NRXN3: variants seen among roughly 807,000 people sequenced by gnomAD.
NRXN3 encodes neurexin 3.
A neutral mutation model predicts 137.6 loss-of-function variants in NRXN3; 32 were observed. The ratio of observed to expected loss-of-function variants is 0.23; its 90% confidence interval spans 0.18 to 0.31. NRXN3 has a LOEUF of 0.31. NRXN3 is among the 10% of genes least tolerant of loss of function. The pLI, the probability that NRXN3 is intolerant of heterozygous loss-of-function variation, is 1.00. For missense variants in NRXN3, 1,574 were observed against 2,062.5 expected (o/e 0.76, Z 4.59); for synonymous variants, 798 against 784.5 (o/e 1.02, Z -0.29).
At chr14:78,487,104 G>T (rs1474888728) in intron 4 of NRXN3, among the ~76,000 whole-genome samples, 1 of 152,150 alleles carries the variant, frequency 6.6e-6, no homozygotes, top group Non-Finnish European at 1.5e-5. Flanking sequence ...AATGTACCCA[G>T]TATTGGCTGG....
chr14:78,731,075 T>C (rs974322492), intron 8 of NRXN3, among the ~76,000 whole-genome samples: 1 of 152,204 alleles, frequency 6.6e-6, no homozygotes, highest in African/African-American at 2.4e-5. Flanking sequence ...CAAACCACTT[T>C]AGTTTTTTTC....
At chr14:78,566,484 G>C (rs28599647) in intron 4 of NRXN3, among the ~76,000 whole-genome samples, 9,065 of 152,060 alleles carry the variant, frequency 0.06, 456 homozygotes, top group African/African-American at 0.14. Context: ...CTGGGGCTGG[G>C]TGGGCTAGAT....
At chr14:79,509,065 C>A (rs1477807614) in intron 16 of NRXN3, among the ~76,000 whole-genome samples, 1 of 151,906 alleles carries the variant, frequency 6.6e-6, no homozygotes, top group African/African-American at 2.4e-5. Context: ...TCTGGTGGCA[C>A]GGACCTGTAA....
At chr14:79,604,863 C>T in intron 16 of NRXN3, among the ~76,000 whole-genome samples, 1 of 151,818 alleles carries the variant, frequency 6.6e-6, no homozygotes, top group East Asian at 2.0e-4. Context: ...GAAAATCTGT[C>T]TCCACTAAAA....
intron 10 of NRXN3, among the ~76,000 whole-genome samples, chr14:78,838,488 G>C (rs903575987): frequency 6.6e-6 from 1 of 152,076 alleles, no homozygotes; most frequent in Non-Finnish European, 1.5e-5. Flanking sequence ...CCAGGCCTCT[G>C]GTAAACACTG....
At chr14:78,819,282 C>T (rs1325808224) in intron 10 of NRXN3, among the ~76,000 whole-genome samples, 1 of 151,962 alleles carries the variant, frequency 6.6e-6, no homozygotes, top group Non-Finnish European at 1.5e-5. Context: ...ACAGTTGGTC[C>T]TCCATAACTG....
At chr14:78,930,348 AT>A (rs2099318085) in intron 10 of NRXN3, among the ~76,000 whole-genome samples, 1 of 152,222 alleles carries the variant, frequency 6.6e-6, no homozygotes, top group Admixed American at 6.5e-5. Context: ...TGATAAGTAA[AT>A]GGTTTTCTGT....
chr14:79,787,684 T>TAATGTC (rs1323675055), intron 19 of NRXN3, among the ~76,000 whole-genome samples: 2 of 152,226 alleles, frequency 1.3e-5, no homozygotes, highest in Non-Finnish European at 2.9e-5. Context: ...TCACTTAGCA[T>TAATGTC]AATGTCCTTT....
At chr14:79,098,939 T>C (rs1003192000) in intron 15 of NRXN3, among the ~76,000 whole-genome samples, 1 of 152,212 alleles carries the variant, frequency 6.6e-6, no homozygotes, top group Non-Finnish European at 1.5e-5. Flanking sequence ...TTAGGTCTCA[T>C]TGGTTAAAAT....
At chr14:78,198,099 T>C (rs959215125) in intron 1 of NRXN3, among the ~76,000 whole-genome samples, 3 of 152,232 alleles carry the variant, frequency 2.0e-5, no homozygotes, top group African/African-American at 7.2e-5. Flanking sequence ...TGTTGGTCAC[T>C]GTATTGGCAC....
chr14:79,409,151 T>C (rs536485250), intron 15 of NRXN3, among the ~76,000 whole-genome samples: 155 of 152,186 alleles, frequency 1.0e-3, no homozygotes, highest in Non-Finnish European at 1.6e-3. Context: ...AGTGAATTAA[T>C]ATATGAATGC....
chr14:78,841,331 T>G (rs868066064), intron 10 of NRXN3, among the ~76,000 whole-genome samples: 1 of 152,198 alleles, frequency 6.6e-6, no homozygotes, highest in South Asian at 2.1e-4. Context: ...CCACTTGTTT[T>G]CTATTTCCTT....
chr14:78,668,958 GTCTA>G (rs1555428765), intron 6 of NRXN3, among the ~76,000 whole-genome samples: 4 of 151,864 alleles, frequency 2.6e-5, no homozygotes, highest in African/African-American at 7.2e-5. Flanking sequence ...CTGTCTGTCT[GTCTA>G]TCTATCTACC....
intron 1 of NRXN3, among the ~76,000 whole-genome samples, chr14:78,238,821 G>A (rs2066692906): frequency 6.6e-6 from 1 of 152,238 alleles, no homozygotes; most frequent in Admixed American, 6.5e-5. Flanking sequence ...TGGGCTGGAG[G>A]GGAAGGATGA....
At chr14:79,068,650 TGA>T (rs2099683711) in intron 15 of NRXN3, among the ~76,000 whole-genome samples, 1 of 152,152 alleles carries the variant, frequency 6.6e-6, no homozygotes, top group Non-Finnish European at 1.5e-5. Context: ...TTTTATTTTG[TGA>T]GTTTCTTTTA....
At chr14:78,900,358 G>A (rs761858530) in intron 10 of NRXN3, among the ~76,000 whole-genome samples, 6 of 151,810 alleles carry the variant, frequency 4.0e-5, no homozygotes, top group Non-Finnish European at 8.8e-5. Flanking sequence ...GTGAGTTTGT[G>A]GCTTCAGGTC....
At chr14:79,384,618 A>G (rs2094555093) in intron 15 of NRXN3, among the ~76,000 whole-genome samples, 1 of 152,148 alleles carries the variant, frequency 6.6e-6, no homozygotes, top group African/African-American at 2.4e-5. Flanking sequence ...AAGGGGCTAC[A>G]TCTTTTAGAC....
chr14:78,313,946 A>G (rs940830477), intron 4 of NRXN3, among the ~76,000 whole-genome samples: 1 of 152,178 alleles, frequency 6.6e-6, no homozygotes, highest in Admixed American at 6.5e-5. Flanking sequence ...ATTGAATTTA[A>G]CAAGTATTGA....
chr14:79,103,723 T>C (rs1305808294), intron 15 of NRXN3, among the ~76,000 whole-genome samples: 2 of 152,176 alleles, frequency 1.3e-5, no homozygotes, highest in African/African-American at 2.4e-5. Flanking sequence ...CTTTGAGGTA[T>C]TGTTTGATCT....
Sources: gnomAD v4.1 joint callset for allele counts (sites outside exome capture counted in the v4.1 genomes callset) on GRCh38, gnomAD v4.1.1 for gene constraint, MANE v1.5 for transcripts, NCBI Gene and HGNC (gene_info 2026-07-23, HGNC 2026-07-21) for gene names.